The following PROM2 variants were observed in gnomAD, a reference collection of about 807,000 sequenced individuals.
PROM2 encodes the protein prominin-2.
PROM2 carries 90 observed loss-of-function variants against 110.2 expected under a neutral mutation model. That is an observed-to-expected ratio of 0.82 (90% CI 0.69 to 0.97). The LOEUF is 0.97. Ranked by LOEUF, PROM2 falls within the 50% of genes least tolerant of loss-of-function variation. The probability of loss-of-function intolerance (pLI) is 0.00; values close to 1 mark genes in which losing one functional copy is unlikely to be tolerated. For synonymous variants in PROM2, 470 were observed against 467.8 expected (o/e 1.00, Z -0.06); for missense variants, 1,009 against 1,074.8 (o/e 0.94, Z 0.86).
chr2:95,285,558 G>A (rs1677304536), intron 15 of PROM2, 81 bp from the exon 16 acceptor site: 4 of 1,170,558 alleles, frequency 3.4e-6, no homozygotes, highest in African/African-American at 3.1e-5. Context: ...TAAGACTGGG[G>A]ATTTGGAGGC....
chr2:95,284,077 G>A (rs1677202487), intron 14 of PROM2, among the ~76,000 whole-genome samples: 1 of 152,246 alleles, frequency 6.6e-6, no homozygotes, highest in Non-Finnish European at 1.5e-5. Context: ...GATGGGCACT[G>A]GAGGAAGGCC....
At position 95,274,799 on chromosome 2, in the gene PROM2, T is replaced by C; in HGVS notation, c.214T>C (p.Ser72Pro). 1 of 1,602,166 alleles carries C rather than the reference T, an allele frequency of 6.2e-7. No individual in the cohort carries two copies. Among genetic ancestry groups the C allele is most frequent in the Non-Finnish European group, 8.5e-7 (1 of 1,175,246 alleles). The change falls in exon 1 of 24, where the codon TCG becomes CCG. Residue 72 changes from serine (S) to proline (P), a missense_variant. By Grantham distance (74) the Ser-to-Pro change is moderately conservative (BLOSUM62 -1). Transcript: ENST00000317620. ...SLYGTVRRFL[S>P]VVQLNPFPSE... ...CTATGGCACCGTGCGCCGCTTCCTCTCGGTGGTGCAGCTCAATCCTTTCCC... is the reference window on the plus strand; with the variant it reads ...CTATGGCACCGTGCGCCGCTTCCTCCCGGTGGTGCAGCTCAATCCTTTCCC...
intron 6 of PROM2, 73 bp from the exon 7 acceptor site, chr2:95,277,291 G>T (rs1268324471): frequency 6.8e-7 from 1 of 1,468,818 alleles, no homozygotes. Flanking sequence ...TGGGGGAGGG[G>T]AGTTCTGCCT....
intron 22 of PROM2, 68 bp from the exon 23 acceptor site, chr2:95,288,865 T>C: frequency 6.7e-7 from 1 of 1,487,048 alleles, no homozygotes; most frequent in Non-Finnish European, 9.4e-7. Context: ...GGCTCTGGGT[T>C]TGTCCCTGTG....
At chr2:95,278,415 T>C in intron 8 of PROM2, 1 of 553,320 alleles carries the variant, frequency 1.8e-6, no homozygotes. Context: ...GAGCTGAGGC[T>C]AGAAGGGTGG....
rs1480656540 is a variant in PROM2, at chr2:95,279,158, C to G, written c.1274+14C>G. On this transcript the variant is annotated intron_variant, in intron 10 of 23. Transcript: ENST00000317620. ...CGAGACCTACAGGTGCTGGGCACCG[C>G]AGGGTGGGATGGGGTGGGGTGGGGT... 5.9e-6 allele frequency: 3 copies of G among 509,028 alleles called. No homozygotes were observed. The highest frequency in any genetic ancestry group is 1.0e-5 in the Non-Finnish European group (3 of 298,088). 31.5% of individuals were successfully genotyped at this position (509,028 alleles called of 1,614,324 possible).
At chr2:95,280,083 C>A in intron 11 of PROM2, 86 bp downstream of exon 11, 2 of 1,236,028 alleles carry the variant, frequency 1.6e-6, no homozygotes, top group Non-Finnish European at 2.1e-6. Flanking sequence ...CCCGGTGTGG[C>A]TGCCAGTGTC....
At chr2:95,286,645 G>C in intron 17 of PROM2, 74 bp downstream of exon 17, 2 of 1,372,122 alleles carry the variant, frequency 1.5e-6, no homozygotes, top group Admixed American at 3.5e-5. Context: ...AAAGGGGAGG[G>C]AAGTTCTGAG....
chr2:95,279,765 C>T (rs143836029), intron 10 of PROM2, 80 bp from the exon 11 acceptor site: 99 of 1,242,616 alleles, frequency 8.0e-5, no homozygotes, highest in African/African-American at 5.9e-4. Flanking sequence ...AGGCCACACC[C>T]GGTCGCCACG....
At position 95,275,818 on chromosome 2, in the gene PROM2, G is replaced by A; in HGVS notation, c.295-112G>A. On this transcript the variant is annotated intron_variant, in intron 2 of 23. Coordinates refer to ENST00000317620, the MANE Select transcript of PROM2 (RefSeq NM_001165978.3). This position sits in a 1 kb window ranked among gnomAD's most constrained non-coding sequence, Gnocchi z 4.4. ...CTGGGACGGGTTCCATGAGATGCAG[G>A]CCATGCCCCTGACGGCACTCCCGCC... is the stretch of plus-strand genomic sequence containing the variant. 6.6e-7 allele frequency: 1 copy of A among 1,519,026 alleles called. No individual in the cohort carries two copies. The highest frequency in any genetic ancestry group is 8.8e-7 in the Non-Finnish European group (1 of 1,137,392). The allele number at this position is 1,519,026 out of a possible 1,614,324, so 94.1% of individuals were successfully genotyped here.
chr2:95,276,908 T>G lies in PROM2; in HGVS notation c.683-64T>G. ...CCCGGTGGGGCCTGGGGAGGCAGGA[T>G]GGGAATGGGGAGGGCCCCTCCACTC... On this transcript the variant is annotated intron_variant, in intron 5 of 23. Coordinates refer to ENST00000317620, the MANE Select transcript of PROM2 (RefSeq NM_001165978.3). The surrounding 1 kb of genome is among the most constrained non-coding windows in gnomAD (Gnocchi z 4.6). 2 of 1,495,236 alleles carry G rather than the reference T, an allele frequency of 1.3e-6. No homozygotes were observed. The highest frequency in any genetic ancestry group is 1.8e-6 in the Non-Finnish European group (2 of 1,097,124). The allele number at this position is 1,495,236 out of a possible 1,614,324, so 92.6% of individuals were successfully genotyped here. A position where few individuals can be genotyped will look rare whatever the true frequency, so the allele number is the denominator to read the frequency against.
chr2:95,288,680 C>T, intron 22 of PROM2, 91 bp downstream of exon 22: 1 of 1,138,418 alleles, frequency 8.8e-7, no homozygotes, highest in Non-Finnish European at 1.3e-6. Flanking sequence ...CCTCCTGAGA[C>T]CTCCCAGGCA....
intron 20 of PROM2, 25 bp downstream of exon 20, chr2:95,287,489 A>T: frequency 6.2e-7 from 1 of 1,607,592 alleles, no homozygotes; most frequent in Non-Finnish European, 8.5e-7. Flanking sequence ...AGAAGCAATG[A>T]CTGATTCCCT....
At chr2:95,281,115 C>T in intron 11 of PROM2, 127 bp from the exon 12 acceptor site, 1 of 1,304,072 alleles carries the variant, frequency 7.7e-7, no homozygotes, top group Non-Finnish European at 1.0e-6. Context: ...AAGCTCCTTT[C>T]CTCTAAAGGC....
Position 95,286,547 on chromosome 2 carries a change from G to A in PROM2, c.2016G>A (p.Lys672=), listed in dbSNP as rs1255200537. ...GACTCAGAAACCTTCACCAGGAGAA[G>A]GTCGTCCCCCAGCAGAGCCTTGTGG... The part of the protein sequence containing the change: ...AQGLRNLHQE[K]VVPQQSLVAK... The change falls in exon 17 of 24, where the codon AAG becomes AAA. Residue 672 remains lysine (K), a synonymous_variant. Coordinates refer to ENST00000317620, the MANE Select transcript of PROM2 (RefSeq NM_001165978.3). 6.2e-7 allele frequency: 1 copy of A among 1,613,688 alleles called. No homozygotes were observed. The highest frequency in any genetic ancestry group is 1.1e-5 in the South Asian group (1 of 91,060).
rs368434770 is a variant in PROM2 at position 95,285,713 on chromosome 2, G to A, written c.1947+3G>A. On this transcript the variant is annotated splice_donor_region_variant and intron_variant, in intron 16 of 23. Transcript: ENST00000317620. ...TGCAAGGACTGGCCCAGGCCCAAGTGAGTGGGAAACAGGGCCCCGACTGGG... is the reference window on the plus strand; with the variant it reads ...TGCAAGGACTGGCCCAGGCCCAAGTAAGTGGGAAACAGGGCCCCGACTGGG... The A allele has an allele frequency of 1.1e-5, 17 of 1,594,916 alleles. No individual in the cohort carries two copies. The African/African-American group carries it at 2.0e-4, about 19-fold the overall frequency.
In PROM2 at chr2:95,284,967, A is replaced by G; in HGVS notation, c.1729-2A>G. Reference sequence around the variant, plus strand: ...ACTCCCACCCTGCGCCTGCTCTCCCAGTATACCAACAAGCTACGGCAGGAG... The same window carrying G: ...ACTCCCACCCTGCGCCTGCTCTCCCGGTATACCAACAAGCTACGGCAGGAG... On this transcript the variant is annotated splice_acceptor_variant, in intron 14 of 23. Coordinates refer to ENST00000317620, the MANE Select transcript of PROM2 (RefSeq NM_001165978.3). LOFTEE classifies it high-confidence loss of function. 6.2e-7 allele frequency: 1 copy of G among 1,609,688 alleles called. No homozygotes were observed. The highest frequency in any genetic ancestry group is 8.5e-7 in the Non-Finnish European group (1 of 1,177,826).
intron 14 of PROM2, among the ~76,000 whole-genome samples, chr2:95,283,745 G>T (rs1190918093): frequency 2.0e-5 from 3 of 152,144 alleles, no homozygotes; most frequent in African/African-American, 7.2e-5. Context: ...GTAGGAAAAT[G>T]CTAAGGCTCT....
Position 95,279,201 on chromosome 2 carries a change from T to C in PROM2, c.1274+57T>C, listed in dbSNP as rs1388354993. The C allele has an allele frequency of 2.2e-5, 29 of 1,317,828 alleles. No individual in the cohort carries two copies. In the Admixed American group the frequency reaches 7.8e-4, roughly 35 times the overall value. The allele number at this position is 1,317,828 out of a possible 1,614,324, so 81.6% of individuals were successfully genotyped here. The stretch of plus-strand genomic sequence containing the variant: ...GGTGGGGTGGGCAGCCCAGCCTCTA[T>C]GCCACCCTGACACCCTGAGCCCCAT... On this transcript the variant is annotated intron_variant, in intron 10 of 23. Coordinates refer to ENST00000317620, the MANE Select transcript of PROM2 (RefSeq NM_001165978.3).
Sources: gnomAD v4.1 joint callset for allele counts (sites outside exome capture counted in the v4.1 genomes callset) on GRCh38, gnomAD v4.1.1 for gene constraint, Gnocchi (gnomAD v3.1) non-coding constraint, MANE v1.5 for transcripts, NCBI Gene and HGNC (gene_info 2026-07-23, HGNC 2026-07-21) for gene names.